TIAM1: variants seen among roughly 807,000 people sequenced by gnomAD.
TIAM1 encodes the protein rho guanine nucleotide exchange factor TIAM1.
TIAM1 carries 65 observed loss-of-function variants against 163.5 expected under a neutral mutation model. The observed-to-expected ratio is 0.40, with a 90% confidence interval of 0.33 to 0.49. The LOEUF (loss-of-function observed/expected upper bound fraction) is 0.49. TIAM1 is among the 20% of genes least tolerant of loss of function. TIAM1 has a pLI of 0.77. For missense variants in TIAM1, 1,789 were observed against 2,044.7 expected (o/e 0.87, Z 2.41); for synonymous variants, 833 against 810.1 (o/e 1.03, Z -0.48).
chr21:31,217,404 TAA>T, intron 9 of TIAM1, 147 bp downstream of exon 9: 1 of 1,090,048 alleles, frequency 9.2e-7, no homozygotes, highest in Admixed American at 2.4e-5. Context: ...CATTATCTAT[TAA>T]AAGTGTCTAG....
At chr21:31,368,032 C>T (rs1654573546) in intron 2 of TIAM1, among the ~76,000 whole-genome samples, 1 of 152,128 alleles carries the variant, frequency 6.6e-6, no homozygotes, top group Non-Finnish European at 1.5e-5. Flanking sequence ...CTCAGTATAA[C>T]TGGAAACTTC....
rs1223021914 is a variant in TIAM1 at position 31,336,417 on chromosome 21, C to G, written c.-189+2826G>C. Reference sequence around the variant, plus strand: ...CATCCATTCTATGACTCAACTTGAGCAGCTGCAGTGTGAAAATACACACAC... The same window carrying G: ...CATCCATTCTATGACTCAACTTGAGGAGCTGCAGTGTGAAAATACACACAC... On this transcript the variant is annotated intron_variant, in intron 2 of 27. Coordinates refer to ENST00000541036, the MANE Select transcript of TIAM1 (RefSeq NM_001353694.2). Among the ~76,000 whole-genome samples the G allele has an allele frequency of 3.3e-5, 5 of 151,656 alleles. No individual in the cohort carries two copies. The East Asian group carries it at 5.8e-4, about 18-fold the overall frequency.
At chr21:31,130,092 TA>T (rs1411083157) in intron 25 of TIAM1, 120 bp downstream of exon 25, 2 of 655,092 alleles carry the variant, frequency 3.1e-6, no homozygotes, top group Non-Finnish European at 4.9e-6. Context: ...GAGTTAAGCA[TA>T]GGGAAAAAAA....
chr21:31,306,835 C>T (rs2074731817), intron 2 of TIAM1, among the ~76,000 whole-genome samples: 1 of 152,184 alleles, frequency 6.6e-6, no homozygotes, highest in Non-Finnish European at 1.5e-5. Flanking sequence ...AAACCTTCGC[C>T]GTTTTCCAGC....
intron 7 of TIAM1, among the ~76,000 whole-genome samples, chr21:31,225,080 C>T (rs1328138901): frequency 2.0e-5 from 3 of 151,994 alleles, no homozygotes. Flanking sequence ...AGTGCAATGG[C>T]ACAATCTTGG....
chr21:31,299,875 A>G (rs1365088383), intron 2 of TIAM1, among the ~76,000 whole-genome samples: 1 of 152,244 alleles, frequency 6.6e-6, no homozygotes, highest in East Asian at 1.9e-4. Context: ...CCTGAGCCAC[A>G]GAAGTGATCA....
chr21:31,263,114 G>A (rs1019105591), intron 4 of TIAM1, among the ~76,000 whole-genome samples: 1 of 152,106 alleles, frequency 6.6e-6, no homozygotes, highest in African/African-American at 2.4e-5. Context: ...GCATAATTCC[G>A]GGGTTTGTTT....
At chr21:31,210,576 A>AAGAGAAAGAAGGAAGGAAGGG in intron 10 of TIAM1, among the ~76,000 whole-genome samples, 1 of 122,242 alleles carries the variant, frequency 8.2e-6, no homozygotes, top group African/African-American at 4.0e-5. Context: ...GAAAGAAAGA[A>AAGAGAAAGAAGGAAGGAAGGG]AGAAAGAAAG....
chr21:31,462,729 CTTTTTTGTTTTTT>C (rs1315308053), intron 2 of TIAM1, among the ~76,000 whole-genome samples: 3 of 67,144 alleles, frequency 4.5e-5, no homozygotes, highest in East Asian at 7.4e-4. Context: ...CCTAACCCCA[CTTTTTTGTTTTTT>C]TTTTTTGTTT....
In TIAM1 at chr21:31,223,466, T is replaced by A; in HGVS notation, c.1935A>T (p.Arg645=). 1 of 1,614,022 alleles carries A rather than the reference T, an allele frequency of 6.2e-7. No individual in the cohort carries two copies. The highest frequency in any genetic ancestry group is 1.3e-5 in the African/African-American group (1 of 75,036). ...NPKRLLAFAS[R]PTKVAMGRLG... ...GGCGGCCCATGGCCACTTTCGTTGG[T>A]CGACTTGCAAAAGCGAGAAGCCTTT... The change falls in exon 8 of 28, where the codon CGA becomes CGT. Residue 645 remains arginine, a synonymous_variant. Transcript: ENST00000541036.
At chr21:31,383,702 C>G (rs1284201772) in intron 2 of TIAM1, among the ~76,000 whole-genome samples, 1 of 152,146 alleles carries the variant, frequency 6.6e-6, no homozygotes, top group Non-Finnish European at 1.5e-5. Flanking sequence ...TATCTCCATA[C>G]CTTGTATCTA....
intron 2 of TIAM1, among the ~76,000 whole-genome samples, chr21:31,399,110 G>A (rs965451344): frequency 3.3e-5 from 5 of 151,952 alleles, no homozygotes; most frequent in East Asian, 1.9e-4. Context: ...TCCACAAGGC[G>A]GAATTGGTTG....
intron 12 of TIAM1, among the ~76,000 whole-genome samples, chr21:31,201,481 T>G (rs890733033): frequency 1.3e-5 from 2 of 152,194 alleles, no homozygotes. Context: ...AGGTAACTTT[T>G]CAGATAACAG....
At chr21:31,328,137 G>A (rs1349835706) in intron 2 of TIAM1, among the ~76,000 whole-genome samples, 1 of 152,040 alleles carries the variant, frequency 6.6e-6, no homozygotes, top group East Asian at 1.9e-4. Flanking sequence ...CCCATGCAGT[G>A]GGGCCTTCCT....
chr21:31,281,278 A>T (rs1401678844), intron 2 of TIAM1, among the ~76,000 whole-genome samples: 1 of 152,090 alleles, frequency 6.6e-6, no homozygotes, highest in Non-Finnish European at 1.5e-5. Flanking sequence ...TGGATAGTAA[A>T]TTACCCATTC....
intron 2 of TIAM1, among the ~76,000 whole-genome samples, chr21:31,334,150 C>G (rs962651146): frequency 6.6e-6 from 1 of 152,310 alleles, no homozygotes; most frequent in African/African-American, 2.4e-5. Context: ...CCCTAGTGTT[C>G]CATTCTAAAG....
chr21:31,135,815 T>C (rs985483639), intron 23 of TIAM1, 118 bp downstream of exon 23: 1 of 909,266 alleles, frequency 1.1e-6, no homozygotes, highest in African/African-American at 1.6e-5. Flanking sequence ...GGAAGACCGA[T>C]TCAAGTAACT....
At chr21:31,442,092 A>ATAT (rs1555982243) in intron 2 of TIAM1, among the ~76,000 whole-genome samples, 3 of 40,178 alleles carry the variant, frequency 7.5e-5, no homozygotes, top group Non-Finnish European at 1.6e-4. Context: ...TATATAGAAC[A>ATAT]ATAAGGGTAT....
chr21:31,516,783 C>T (rs2047396630), intron 1 of TIAM1, among the ~76,000 whole-genome samples: 1 of 151,692 alleles, frequency 6.6e-6, no homozygotes, highest in African/African-American at 2.4e-5. Flanking sequence ...AGGCTGGGCT[C>T]GGTGGCTCAC....
Sources: allele counts gnomAD v4.1 joint callset (sites outside exome capture counted in the v4.1 genomes callset), GRCh38; gene constraint gnomAD v4.1.1; transcripts MANE v1.5; gene names NCBI Gene and HGNC (gene_info 2026-07-23, HGNC 2026-07-21).